Variants in AFF3 observed in about 807,000 individuals in gnomAD.
The protein encoded by AFF3 is AF4/FMR2 family member 3.
AFF3 carries 32 observed loss-of-function variants against 129.7 expected under a neutral mutation model. That is an observed-to-expected ratio of 0.25 (90% confidence interval 0.19 to 0.33). The LOEUF (loss-of-function observed/expected upper bound fraction) is 0.33, where lower values mean the gene tolerates loss of function less well. Among genes scored for constraint, AFF3 ranks in the 10% least tolerant of loss-of-function variants. The probability of loss-of-function intolerance (pLI) is 1.00; values close to 1 mark genes in which losing one functional copy is unlikely to be tolerated. For missense variants in AFF3, 1,373 were observed against 1,592.0 expected (o/e 0.86, Z 2.34); for synonymous variants, 644 against 635.4 (o/e 1.01, Z -0.20).
At position 99,695,199 on chromosome 2, in the gene AFF3, T is replaced by A. The variant is rs143227809; in HGVS notation, c.1092-22610A>T. On this transcript the variant is annotated intron_variant, in intron 11 of 24. Transcript: ENST00000672756. ...ATTTCATACTTAAGCCTACCTCAGC[T>A]CAGACTCCCCATTTCAAGTGTTTGA... Among the ~76,000 whole-genome samples, 215 of 152,310 alleles carry A rather than the reference T, an allele frequency of 1.4e-3. 8 individuals carry two copies. In the East Asian group the frequency reaches 0.038, roughly 27 times the overall value.
chr2:99,728,728 C>T lies in AFF3; in HGVS notation c.1040-1600G>A, dbSNP rs114981328. Reference sequence around the variant, plus strand: ...AAAGCCACAAAATCTATTTTAACTGCCTTGATAACAAACATTGATTAGGCA... The same window carrying T: ...AAAGCCACAAAATCTATTTTAACTGTCTTGATAACAAACATTGATTAGGCA... On this transcript the variant is annotated intron_variant, in intron 10 of 24. Coordinates refer to ENST00000672756, the MANE Select transcript of AFF3 (RefSeq NM_001386135.1). 2.2e-3 allele frequency among the ~76,000 whole-genome samples: 342 copies of T among 152,266 alleles called. 4 individuals carry two copies. Among genetic ancestry groups the T allele is most frequent in the Middle Eastern group, 0.017 (5 of 294 alleles).
intron 13 of AFF3, among the ~76,000 whole-genome samples, chr2:99,611,283 C>T (rs1680894375): frequency 6.6e-6 from 1 of 152,108 alleles, no homozygotes; most frequent in Non-Finnish European, 1.5e-5. Flanking sequence ...ATTACAACAT[C>T]TGTGTTGGTC....
At chr2:99,605,492 T>C (rs901665738) in intron 13 of AFF3, among the ~76,000 whole-genome samples, 1 of 152,200 alleles carries the variant, frequency 6.6e-6, no homozygotes, top group Non-Finnish European at 1.5e-5. Flanking sequence ...TAACCCATCC[T>C]TGCATGGGGC....
At position 99,880,381 on chromosome 2, in the gene AFF3, C is replaced by T. The variant is rs548313875; in HGVS notation, c.874-42857G>A. On this transcript the variant is annotated intron_variant, in intron 7 of 24. Transcript: ENST00000672756. ...GCTCACCCTGAGGCCTCTGATTCAG[C>T]GGCAGAGCTGTTTTTCCCCTCGGGA... 4.3e-4 allele frequency among the ~76,000 whole-genome samples: 66 copies of T among 152,276 alleles called. 1 individual carries two copies. In the Middle Eastern group the frequency reaches 0.01, roughly 24 times the overall value.
At chr2:100,083,617 T>G (rs1050646326) in intron 4 of AFF3, among the ~76,000 whole-genome samples, 1 of 152,240 alleles carries the variant, frequency 6.6e-6, no homozygotes, top group Non-Finnish European at 1.5e-5. Context: ...GGAAAACGGC[T>G]GCTGCCAGAG....
At chr2:99,871,100 C>T (rs1422422532) in intron 7 of AFF3, among the ~76,000 whole-genome samples, 1 of 152,128 alleles carries the variant, frequency 6.6e-6, no homozygotes, top group East Asian at 1.9e-4. Context: ...TTGTTTTGTG[C>T]ACAAAACTAC....
At chr2:99,818,858 A>G (rs1576082851) in intron 8 of AFF3, among the ~76,000 whole-genome samples, 1 of 152,244 alleles carries the variant, frequency 6.6e-6, no homozygotes, top group East Asian at 1.9e-4. Flanking sequence ...CATTGGGCAT[A>G]CTTAGTATAG....
intron 4 of AFF3, chr2:100,011,376 C>T (rs1266157557): frequency 5.4e-6 from 4 of 746,114 alleles, no homozygotes; most frequent in African/African-American, 1.7e-5. Context: ...TCAGGTCAAC[C>T]CAACCAGACA....
Position 99,690,546 on chromosome 2 carries a change from T to C in AFF3, c.1092-17957A>G, listed in dbSNP as rs368960926. On this transcript the variant is annotated intron_variant, in intron 11 of 24. Transcript: ENST00000672756. ...AAAACAAAGGAATGGTTGGGCAGAT[T>C]TGTCTATTATGGAATCAGACCAGCA... 3.1e-3 allele frequency among the ~76,000 whole-genome samples: 475 copies of C among 152,264 alleles called. 1 individual carries two copies. The Middle Eastern group carries it at 0.037, about 12-fold the overall frequency.
Position 100,104,520 on chromosome 2 carries a change from T to C in AFF3, c.-64-2A>G. The C allele has an allele frequency of 8.0e-7, 1 of 1,244,382 alleles. No individual in the cohort carries two copies. The allele number at this position is 1,244,382 out of a possible 1,614,324, so 77.1% of individuals were successfully genotyped here. Reference sequence around the variant, plus strand: ...GCCGAGGCTCGGGCCGCCCGCGCGCTGCAACGAAAGGCGCCGCTCAAGGTG... The same window carrying C: ...GCCGAGGCTCGGGCCGCCCGCGCGCCGCAACGAAAGGCGCCGCTCAAGGTG... On this transcript the variant is annotated splice_acceptor_variant, in intron 3 of 24. Coordinates refer to ENST00000672756, the MANE Select transcript of AFF3 (RefSeq NM_001386135.1). LOFTEE classifies it low-confidence loss of function (5UTR_SPLICE).
rs191557041 is a variant in AFF3 at position 99,864,817 on chromosome 2, G to A, written c.874-27293C>T. Among the ~76,000 whole-genome samples, 14 of 152,310 alleles carry A rather than the reference G, an allele frequency of 9.2e-5. No individual in the cohort carries two copies. The East Asian group carries it at 2.7e-3, about 29-fold the overall frequency. The stretch of plus-strand genomic sequence containing the variant: ...GTGTTCACTGGGCATAAAATAGTAA[G>A]GGCTAGGTAATATGTTCTTTGGGAG... On this transcript the variant is annotated intron_variant, in intron 7 of 24. Transcript: ENST00000672756.
At chr2:99,635,357 G>C (rs1197898363) in intron 13 of AFF3, among the ~76,000 whole-genome samples, 1 of 152,066 alleles carries the variant, frequency 6.6e-6, no homozygotes, top group East Asian at 1.9e-4. Context: ...GAGTGCAGTA[G>C]CACAATCATG....
chr2:100,123,161 G>A (rs1393839423), intron 2 of AFF3, among the ~76,000 whole-genome samples: 1 of 152,224 alleles, frequency 6.6e-6, no homozygotes, highest in East Asian at 1.9e-4. Context: ...ATGCAAAAAT[G>A]TCTACCATTT....
At chr2:99,838,282 T>C (rs1689051043) in intron 7 of AFF3, among the ~76,000 whole-genome samples, 1 of 152,138 alleles carries the variant, frequency 6.6e-6, no homozygotes, top group South Asian at 2.1e-4. Context: ...AGTGCCTACC[T>C]GTGGTCTCAG....
At chr2:99,964,927 T>C (rs932016517) in intron 7 of AFF3, among the ~76,000 whole-genome samples, 5 of 152,334 alleles carry the variant, frequency 3.3e-5, no homozygotes, top group Admixed American at 2.6e-4. Flanking sequence ...TACAACTGCA[T>C]GTGACTCTAC....
At chr2:99,674,452 T>G (rs1687437698) in intron 11 of AFF3, among the ~76,000 whole-genome samples, 1 of 152,166 alleles carries the variant, frequency 6.6e-6, no homozygotes, top group Admixed American at 6.5e-5. Context: ...AAGACTGTTT[T>G]CCTACCCAAA....
intron 7 of AFF3, among the ~76,000 whole-genome samples, chr2:99,939,468 C>A (rs1045756995): frequency 1.3e-5 from 2 of 152,144 alleles, no homozygotes; most frequent in African/African-American, 4.8e-5. Context: ...TGGTGAGTCT[C>A]CCTCTTTACT....
chr2:99,766,923 A>G (rs1683069471), intron 8 of AFF3, among the ~76,000 whole-genome samples: 1 of 152,350 alleles, frequency 6.6e-6, no homozygotes, highest in African/African-American at 2.4e-5. Context: ...GAAGGTGAGA[A>G]GGAAGGTTCT....
rs560639258 is a variant in AFF3, at chr2:100,088,778, A to G, written c.53+15624T>C. Among the ~76,000 whole-genome samples the G allele has an allele frequency of 2.5e-3, 386 of 152,146 alleles. 4 individuals are homozygous for G. Among genetic ancestry groups the G allele is most frequent in the Middle Eastern group, 0.014 (4 of 294 alleles). Reference sequence around the variant, plus strand: ...CCAAATATTGCATCGTGATACTCACATAAACTGGAAAGTAACGGCTACATT... The same window carrying G: ...CCAAATATTGCATCGTGATACTCACGTAAACTGGAAAGTAACGGCTACATT... On this transcript the variant is annotated intron_variant, in intron 4 of 24. Transcript: ENST00000672756.
Sources: gnomAD v4.1 joint callset for allele counts (sites outside exome capture counted in the v4.1 genomes callset) on GRCh38, gnomAD v4.1.1 for gene constraint, MANE v1.5 for transcripts, NCBI Gene and HGNC (gene_info 2026-07-23, HGNC 2026-07-21) for gene names.